The following SIAE variants were observed in gnomAD, a reference collection of about 807,000 sequenced individuals.
SIAE encodes sialate O-acetylesterase.
SIAE carries 39 observed loss-of-function variants against 52.6 expected under a neutral mutation model. The observed-to-expected ratio is 0.74, with a 90% CI of 0.57 to 0.97. SIAE has a LOEUF of 0.97. SIAE is among the 50% of genes least tolerant of loss of function. The pLI, the probability that SIAE is intolerant of heterozygous loss-of-function variation, is 0.00. For synonymous variants in SIAE, 233 were observed against 241.4 expected (o/e 0.97, Z 0.32); for missense variants, 592 against 662.1 (o/e 0.89, Z 1.16).
In SIAE at chr11:124,648,146, G is replaced by A. The variant is rs375434860; in HGVS notation, c.752C>T (p.Pro251Leu). The A allele has an allele frequency of 5.1e-5, 83 of 1,613,842 alleles. No homozygotes were observed. Among genetic ancestry groups the A allele is most frequent in the Non-Finnish European group, 7.0e-5 (83 of 1,179,944 alleles). The change falls in exon 6 of 10, where the codon CCC becomes CTC. Residue 251 changes from proline to leucine, a missense_variant. Pro to Leu is a moderately conservative substitution (Grantham distance 98). Coordinates refer to ENST00000263593, the MANE Select transcript of SIAE (RefSeq NM_170601.5). ...ATTCCAGAGAACAGAGTGCTTACTG[G>A]GACCAGTTACAGAATCGTATGGAAT... The part of the protein sequence containing the change: ...GSIPYDSVTG[P>L]SKHSVLWNAM...
chr11:124,655,174 C>CTTTTTTTTT (rs766294261), intron 3 of SIAE, among the ~76,000 whole-genome samples: 5 of 135,060 alleles, frequency 3.7e-5, no homozygotes, highest in African/African-American at 1.2e-4. Flanking sequence ...TTAACTTCTT[C>CTTTTTTTTT]TTTTTTTTTT....
intron 7 of SIAE, 85 bp downstream of exon 7, chr11:124,647,279 TC>T: frequency 6.4e-7 from 1 of 1,567,458 alleles, no homozygotes; most frequent in Non-Finnish European, 8.8e-7. Flanking sequence ...AAATAGCACA[TC>T]CCCACACCAA....
chr11:124,649,370 A>C (rs1341429374), intron 5 of SIAE, among the ~76,000 whole-genome samples: 6 of 151,828 alleles, frequency 4.0e-5, no homozygotes, highest in South Asian at 2.1e-4. Flanking sequence ...CTGGCATATA[A>C]AAAGCTTTCA....
Position 124,660,819 on chromosome 11 carries a change from G to T in SIAE, c.230-16C>A. The T allele has an allele frequency of 1.2e-6, 2 of 1,613,678 alleles. No homozygotes were observed. The highest frequency in any genetic ancestry group is 2.2e-5 in the South Asian group (2 of 91,058). ...TCAGAGTGAGCTGAAATAGTAACAG[G>T]ACTCCAAGGAATTAATCAATCAATT... is the stretch of plus-strand genomic sequence containing the variant. On this transcript the variant is annotated splice_polypyrimidine_tract_variant and intron_variant, in intron 2 of 9. Coordinates refer to ENST00000263593, the MANE Select transcript of SIAE (RefSeq NM_170601.5).
At position 124,637,060 on chromosome 11, in the gene SIAE, T is replaced by G; in HGVS notation, c.1463A>C (p.Glu488Ala). ...LRYAWTTWPCEYKQCPLYHPS... is the reference protein window; with the variant it reads ...LRYAWTTWPCAYKQCPLYHPS... The stretch of plus-strand genomic sequence containing the variant: ...GTGGTATAGGGGACACTGCTTATAT[T>G]CACAAGGCCACGTGGTCCAAGCATA... The change falls in exon 10 of 10, where the codon GAA (glutamate) becomes GCA (alanine). Residue 488 changes from glutamate (E) to alanine (A), a missense_variant. Transcript: ENST00000263593. The G allele has an allele frequency of 1.9e-6, 3 of 1,614,122 alleles. No homozygotes were observed. Among genetic ancestry groups the G allele is most frequent in the Non-Finnish European group, 2.5e-6 (3 of 1,180,022 alleles).
intron 2 of SIAE, among the ~76,000 whole-genome samples, chr11:124,663,985 A>G (rs1943231951): frequency 6.6e-6 from 1 of 152,168 alleles, no homozygotes; most frequent in African/African-American, 2.4e-5. Context: ...GGCCAGGCCC[A>G]GGTTTCTGTA....
chr11:124,673,490 G>C (rs1036854383), intron 1 of SIAE, 152 bp downstream of exon 1: 2 of 835,552 alleles, frequency 2.4e-6, no homozygotes, highest in African/African-American at 1.7e-5. Flanking sequence ...CCTGCAGACC[G>C]GGCCTCGGTC....
At chr11:124,674,679 C>T (rs918457473), upstream of SIAE, 1 of 152,202 alleles carries the variant, frequency 6.6e-6, no homozygotes, top group Non-Finnish European at 1.5e-5. Flanking sequence ...CCATCCCATC[C>T]CATCCCTCCC....
chr11:124,675,141 A>G (rs1034594347), upstream of SIAE: 3 of 1,232,818 alleles, frequency 2.4e-6, no homozygotes, highest in Non-Finnish European at 2.3e-6. Flanking sequence ...ATTCAAGTCC[A>G]GATGTATGAG....
At chr11:124,654,192 G>GA (rs527359579) in intron 4 of SIAE, 10 of 981,548 alleles carry the variant, frequency 1.0e-5, no homozygotes, top group South Asian at 4.7e-5. Context: ...AAAAGAAAAA[G>GA]AAAAAAAAGA....
Position 124,645,482 on chromosome 11 carries a change from G to A in SIAE, c.966+1883C>T, listed in dbSNP as rs1319617914. On this transcript the variant is annotated intron_variant, in intron 7 of 9. Coordinates refer to ENST00000263593, the MANE Select transcript of SIAE (RefSeq NM_170601.5). The surrounding 1 kb of genome is among the most constrained non-coding windows in gnomAD (Gnocchi z 4.7). Reference sequence around the variant, plus strand: ...ACACCCGACTAATTTTGTATTTTTAGTAGAGACGGGGCTTCTCCATGTTGG... The same window carrying A: ...ACACCCGACTAATTTTGTATTTTTAATAGAGACGGGGCTTCTCCATGTTGG... 6.6e-6 allele frequency among the ~76,000 whole-genome samples: 1 copy of A among 152,002 alleles called. No individual in the cohort carries two copies. The highest frequency in any genetic ancestry group is 6.6e-5 in the Admixed American group (1 of 15,264).
Position 124,636,557 on chromosome 11 carries a change from A to G in SIAE, c.*394T>C, listed in dbSNP as rs750744482. On this transcript the variant is annotated 3_prime_UTR_variant, in exon 10 of 10. Coordinates refer to ENST00000263593, the MANE Select transcript of SIAE (RefSeq NM_170601.5). ...AGTACTTGGATGGGAGAAATTTTAT[A>G]AAGAACACATGAACACTAGCTGGCC... 6 of 281,352 alleles carry G rather than the reference A, an allele frequency of 2.1e-5. No homozygotes were observed. Among genetic ancestry groups the G allele is most frequent in the South Asian group, 8.1e-5 (2 of 24,760 alleles). The allele number at this position is 281,352 out of a possible 1,614,324, so 17.4% of individuals were successfully genotyped here. A position where few individuals can be genotyped will look rare whatever the true frequency, so the allele number is the denominator to read the frequency against.
chr11:124,668,089 G>C (rs1457957028), intron 2 of SIAE, among the ~76,000 whole-genome samples: 4 of 152,126 alleles, frequency 2.6e-5, no homozygotes. Flanking sequence ...CCTTAGCAAT[G>C]ACAAACAAGT....
In SIAE at chr11:124,635,730, G is replaced by T. The variant is rs780785743; in HGVS notation, c.*1221C>A. ...AGGGGAGGAAAGCTACCCATAGATA[G>T]TATTCTTACTCCTTTTCACATGCTT... On this transcript the variant is annotated 3_prime_UTR_variant, in exon 10 of 10. Transcript: ENST00000263593. 6.6e-6 allele frequency: 1 copy of T among 152,166 alleles called. No individual in the cohort carries two copies. The highest frequency in any genetic ancestry group is 1.5e-5 in the Non-Finnish European group (1 of 68,036). The allele number at this position is 152,166 out of a possible 1,614,324, so 9.4% of individuals were successfully genotyped here.
rs989919598 is a variant in SIAE at position 124,637,890 on chromosome 11, A to G, written c.1320+652T>C. On this transcript the variant is annotated intron_variant, in intron 9 of 9. Coordinates refer to ENST00000263593, the MANE Select transcript of SIAE (RefSeq NM_170601.5). ...CTTTAATATTCTTTTCTCTTCTCCA[A>G]TGCATTCTTTTCACACACCCCTTCC... 7.2e-5 allele frequency among the ~76,000 whole-genome samples: 11 copies of G among 152,262 alleles called. No individual in the cohort carries two copies. In the East Asian group the frequency reaches 9.6e-4, roughly 13 times the overall value.
intron 2 of SIAE, among the ~76,000 whole-genome samples, chr11:124,667,411 A>T (rs943401429): frequency 2.6e-5 from 4 of 152,180 alleles, no homozygotes; most frequent in Admixed American, 2.0e-4. Context: ...CTTAAAACCC[A>T]AGAATTAGAA....
At chr11:124,676,137 C>CAGGT (rs937480104), upstream of SIAE, 1 of 152,150 alleles carries the variant, frequency 6.6e-6, no homozygotes, top group African/African-American at 2.4e-5. Flanking sequence ...AGGACTTTAC[C>CAGGT]AGTTTTGTAC....
At chr11:124,669,568 A>G in intron 1 of SIAE, 47 bp from the exon 2 acceptor site, 4 of 1,542,362 alleles carry the variant, frequency 2.6e-6, no homozygotes, top group Non-Finnish European at 3.6e-6. Context: ...GGAGAGATAT[A>G]GCACCAACTG....
At position 124,649,516 on chromosome 11, in the gene SIAE, T is replaced by C; in HGVS notation, c.722+103A>G. 2.5e-6 allele frequency: 3 copies of C among 1,216,162 alleles called. No individual in the cohort carries two copies. The South Asian group carries it at 3.7e-5, about 15-fold the overall frequency. The allele number at this position is 1,216,162 out of a possible 1,614,324, so 75.3% of individuals were successfully genotyped here. A position where few individuals can be genotyped will look rare whatever the true frequency, so the allele number is the denominator to read the frequency against. On this transcript the variant is annotated intron_variant, in intron 5 of 9. Transcript: ENST00000263593. ...TAAATTACATACATTCAACACATATTGGGACATTCACCATATACTTAACTC... is the reference window on the plus strand; with the variant it reads ...TAAATTACATACATTCAACACATATCGGGACATTCACCATATACTTAACTC...
Sources: allele counts gnomAD v4.1 joint callset (sites outside exome capture counted in the v4.1 genomes callset), GRCh38; gene constraint gnomAD v4.1.1; non-coding constraint Gnocchi (gnomAD v3.1); transcripts MANE v1.5; gene names NCBI Gene and HGNC (gene_info 2026-07-23, HGNC 2026-07-21).